TRHDE: variants seen among roughly 807,000 people sequenced by gnomAD.
TRHDE encodes thyrotropin releasing hormone degrading enzyme, also known as thyrotropin-releasing hormone-degrading ectoenzyme.
Under a neutral mutation model 125.7 loss-of-function variants are expected in TRHDE, and 72 were observed. The observed-to-expected ratio is 0.57, with a 90% confidence interval of 0.47 to 0.70. TRHDE has a LOEUF of 0.70. Ranked by LOEUF, TRHDE falls within the 30% of genes least tolerant of loss-of-function variation. The probability of loss-of-function intolerance (pLI) is 0.00; values close to 1 mark genes in which losing one functional copy is unlikely to be tolerated. For synonymous variants in TRHDE, 509 were observed against 509.1 expected (o/e 1.00, Z 0.00); for missense variants, 1,110 against 1,327.1 (o/e 0.84, Z 2.54).
chr12:72,344,907 G>C lies in TRHDE; in HGVS notation c.1189-33088G>C, dbSNP rs183147283. On this transcript the variant is annotated intron_variant, in intron 2 of 18. Transcript: ENST00000261180. ...AGCATGGTCCACACTTGAGAGGAAG[G>C]ATTAAAAAAAGAGGTTCATGTTGGC... is the stretch of plus-strand genomic sequence containing the variant. Among the ~76,000 whole-genome samples, 5 of 151,950 alleles carry C rather than the reference G, an allele frequency of 3.3e-5. No individual in the cohort carries two copies. The South Asian group carries it at 1.0e-3, about 31-fold the overall frequency.
chr12:72,224,146 C>CTATCTATCTATG (rs1565666711), intron 2 of TRHDE, among the ~76,000 whole-genome samples: 1 of 46,360 alleles, frequency 2.2e-5, no homozygotes, highest in Admixed American at 2.1e-4. Flanking sequence ...ATCTATTTAT[C>CTATCTATCTATG]TATGTATGTA....
At chr12:72,445,980 C>G (rs1386478514) in intron 3 of TRHDE, among the ~76,000 whole-genome samples, 1 of 151,732 alleles carries the variant, frequency 6.6e-6, no homozygotes, top group Non-Finnish European at 1.5e-5. Flanking sequence ...ATTTACAGGT[C>G]TCTACTCTAT....
chr12:72,540,921 A>G lies in TRHDE; in HGVS notation c.1723-1370A>G, dbSNP rs1016715172. Among the ~76,000 whole-genome samples the G allele has an allele frequency of 2.6e-5, 4 of 151,726 alleles. No homozygotes were observed. The South Asian group carries it at 8.3e-4, about 31-fold the overall frequency. On this transcript the variant is annotated intron_variant, in intron 6 of 18. Coordinates refer to ENST00000261180, the MANE Select transcript of TRHDE (RefSeq NM_013381.3). ...AGAATAAAATACTGACTTGGGAGCA[A>G]TTTTGGTGGTGGTTGAAATTTTTTG...
Position 72,096,513 on chromosome 12 carries a change from C to T in TRHDE, n.174+9074C>T, listed in dbSNP as rs570529933. 4.5e-4 allele frequency among the ~76,000 whole-genome samples: 69 copies of T among 152,284 alleles called. 1 individual carries two copies. Among genetic ancestry groups the T allele is most frequent in the Non-Finnish European group, 8.5e-4 (58 of 68,012 alleles). ...GCCTCTACCTATTGAAGGCTAAGAT[C>T]ACTTTTTAGCTCAGATGCCAAAGAT... On this transcript the variant is annotated intron_variant and non_coding_transcript_variant, in intron 1 of 4. Transcript: ENST00000548156.
chr12:72,546,618 A>G (rs1408371780), intron 7 of TRHDE, among the ~76,000 whole-genome samples: 1 of 151,638 alleles, frequency 6.6e-6, no homozygotes, highest in Non-Finnish European at 1.5e-5. Flanking sequence ...CTGAGGGTCT[A>G]CAATCACTTC....
intron 2 of TRHDE, among the ~76,000 whole-genome samples, chr12:72,204,185 C>CT (rs1877618782): frequency 6.6e-6 from 1 of 152,156 alleles, no homozygotes; most frequent in Non-Finnish European, 1.5e-5. Context: ...CTCAGTCTTT[C>CT]TTTTCTAGCA....
Position 72,272,377 on chromosome 12 carries a change from A to C in TRHDE, c.-267A>C. The C allele has an allele frequency of 1.6e-5, 6 of 370,110 alleles. No homozygotes were observed. The highest frequency in any genetic ancestry group is 3.8e-5 in the Admixed American group (1 of 26,554). The allele number at this position is 370,110 out of a possible 1,614,324, so 22.9% of individuals were successfully genotyped here. A position where few individuals can be genotyped will look rare whatever the true frequency, so the allele number is the denominator to read the frequency against. ...GCCGCCGGGTGCTCGTCCGAGAAGT[A>C]GCGCGCGCTGGGCAAGCAAGACGCT... On this transcript the variant is annotated 5_prime_UTR_variant, in exon 1 of 19. Coordinates refer to ENST00000261180, the MANE Select transcript of TRHDE (RefSeq NM_013381.3). The surrounding 1 kb of genome is among the most constrained non-coding windows in gnomAD (Gnocchi z 6.7).
chr12:72,211,538 C>G (rs1338607092), intron 2 of TRHDE, among the ~76,000 whole-genome samples: 11 of 152,066 alleles, frequency 7.2e-5, no homozygotes, highest in Non-Finnish European at 1.3e-4. Flanking sequence ...GATCAAAGAA[C>G]AACAGTGTAC....
At chr12:72,299,150 TA>T (rs1880412975) in intron 2 of TRHDE, among the ~76,000 whole-genome samples, 1 of 152,156 alleles carries the variant, frequency 6.6e-6, no homozygotes, top group Non-Finnish European at 1.5e-5. Context: ...TGAGATATAT[TA>T]ATATTTCTAG....
In TRHDE at chr12:72,499,587, G is replaced by T. The variant is rs2135935783; in HGVS notation, c.1674G>T (p.Leu558=). Residue 558 remains leucine (L), a synonymous_variant, in exon 6 of 19, where the codon CTG becomes CTT. Transcript: ENST00000261180. ...CCCATCCAGTATCACAGGAAGTGCT[G>T]CAGGCAACAGATATTGACAGGGTGT... is the stretch of plus-strand genomic sequence containing the variant. ...ASSHPVSQEV[L]QATDIDRVFD... 6.2e-7 allele frequency: 1 copy of T among 1,613,872 alleles called. No individual in the cohort carries two copies. Among genetic ancestry groups the T allele is most frequent in the Non-Finnish European group, 8.5e-7 (1 of 1,179,868 alleles).
intron 7 of TRHDE, among the ~76,000 whole-genome samples, chr12:72,546,656 AC>A (rs1869435197): frequency 6.6e-6 from 1 of 151,404 alleles, no homozygotes; most frequent in Non-Finnish European, 1.5e-5. Flanking sequence ...ACATACTAAA[AC>A]CCTTAGTAAT....
At chr12:72,159,159 C>T (rs1339012046) in intron 2 of TRHDE, among the ~76,000 whole-genome samples, 5 of 152,134 alleles carry the variant, frequency 3.3e-5, no homozygotes, top group Non-Finnish European at 7.4e-5. Flanking sequence ...ATGCTAAGAA[C>T]ACAGTGGTCA....
chr12:72,373,209 A>G (rs1871697002), intron 2 of TRHDE, among the ~76,000 whole-genome samples: 1 of 152,158 alleles, frequency 6.6e-6, no homozygotes, highest in African/African-American at 2.4e-5. Context: ...ATTGGTGTAT[A>G]AGAATGCTTG....
chr12:72,564,788 C>G (rs1870360176), intron 9 of TRHDE, among the ~76,000 whole-genome samples: 2 of 145,610 alleles, frequency 1.4e-5, no homozygotes, highest in Admixed American at 1.4e-4. Context: ...CTGCCTCAGC[C>G]TCCGGAGTAG....
In TRHDE at chr12:72,273,582, G is replaced by C; in HGVS notation, c.914+25G>C. The C allele has an allele frequency of 1.3e-6, 2 of 1,557,976 alleles. No individual in the cohort carries two copies. Among genetic ancestry groups the C allele is most frequent in the Non-Finnish European group, 1.7e-6 (2 of 1,152,586 alleles). On this transcript the variant is annotated intron_variant, in intron 1 of 18. Coordinates refer to ENST00000261180, the MANE Select transcript of TRHDE (RefSeq NM_013381.3). The surrounding 1 kb of genome is among the most constrained non-coding windows in gnomAD (Gnocchi z 5.3). ...GGTATGGAGGGAGGCGGTGCCCCGC[G>C]CTGCCCCACCCCGGCGCGCGGCTCG...
At chr12:72,149,252 C>T (rs148537364) in intron 2 of TRHDE, among the ~76,000 whole-genome samples, 4,584 of 152,026 alleles carry the variant, frequency 0.03, 121 homozygotes, top group African/African-American at 0.068. Flanking sequence ...GTATGTGATG[C>T]GTACTAAGTA....
intron 3 of TRHDE, among the ~76,000 whole-genome samples, chr12:72,406,604 C>T (rs1452426582): frequency 1.3e-5 from 2 of 152,068 alleles, no homozygotes; most frequent in African/African-American, 4.8e-5. Context: ...TTTTAGAAAA[C>T]TTTACTGCTG....
intron 5 of TRHDE, among the ~76,000 whole-genome samples, chr12:72,493,751 A>G (rs1267501299): frequency 1.3e-5 from 2 of 151,960 alleles, no homozygotes; most frequent in East Asian, 3.9e-4. Flanking sequence ...CAAACGAACC[A>G]CACTATCTCA....
At chr12:72,137,669 A>G (rs1566239908) in intron 2 of TRHDE, 1 of 152,230 alleles carries the variant, frequency 6.6e-6, no homozygotes, top group African/African-American at 2.4e-5. Context: ...TCTTCAGAGT[A>G]TGTGACCATT....
Sources: allele counts gnomAD v4.1 joint callset (sites outside exome capture counted in the v4.1 genomes callset), GRCh38; gene constraint gnomAD v4.1.1; non-coding constraint Gnocchi (gnomAD v3.1); transcripts MANE v1.5; gene names NCBI Gene and HGNC (gene_info 2026-07-23, HGNC 2026-07-21).